Variants in CNTNAP5 observed in about 807,000 individuals in gnomAD.
CNTNAP5 encodes contactin associated protein family member 5.
CNTNAP5 carries 72 observed loss-of-function variants against 150.2 expected under a neutral mutation model. The observed-to-expected ratio is 0.48, with a 90% confidence interval of 0.40 to 0.58. CNTNAP5 has a LOEUF of 0.58. Among genes scored for constraint, CNTNAP5 ranks in the 20% least tolerant of loss-of-function variants. CNTNAP5 has a pLI of 0.00. For synonymous variants in CNTNAP5, 672 were observed against 619.8 expected (o/e 1.08, Z -1.25); for missense variants, 1,636 against 1,626.2 (o/e 1.01, Z -0.10).
intron 13 of CNTNAP5, among the ~76,000 whole-genome samples, chr2:124,713,280 T>TC (rs1679858577): frequency 7.8e-6 from 1 of 128,876 alleles, no homozygotes; most frequent in Non-Finnish European, 1.7e-5. Flanking sequence ...TTTCTTTCTT[T>TC]CTTTCTTTCT....
chr2:124,908,793 C>T (rs1313541453), intron 22 of CNTNAP5, among the ~76,000 whole-genome samples: 1 of 151,894 alleles, frequency 6.6e-6, no homozygotes, highest in Non-Finnish European at 1.5e-5. Context: ...TCCACATAAG[C>T]CTGATCTACT....
At chr2:124,901,213 C>T (rs1678407564) in intron 21 of CNTNAP5, among the ~76,000 whole-genome samples, 1 of 151,494 alleles carries the variant, frequency 6.6e-6, no homozygotes, top group African/African-American at 2.4e-5. Flanking sequence ...AAGTTGTAGA[C>T]AGAATTATAG....
At chr2:124,322,404 T>G (rs1573915442) in intron 3 of CNTNAP5, among the ~76,000 whole-genome samples, 1 of 152,070 alleles carries the variant, frequency 6.6e-6, no homozygotes, top group Admixed American at 6.5e-5. Context: ...TGTTAGTTTG[T>G]TACATGTTTG....
intron 3 of CNTNAP5, among the ~76,000 whole-genome samples, chr2:124,255,194 C>T (rs1465884337): frequency 2.0e-5 from 3 of 152,020 alleles, no homozygotes; most frequent in African/African-American, 7.2e-5. Flanking sequence ...TTACAATCAA[C>T]CTGTGCAACA....
chr2:124,372,037 A>T (rs949707373), intron 3 of CNTNAP5, among the ~76,000 whole-genome samples: 2 of 151,992 alleles, frequency 1.3e-5, no homozygotes, highest in African/African-American at 4.8e-5. Context: ...AGGAGGAATC[A>T]CCCTAAACCT....
At chr2:124,407,550 C>T in intron 3 of CNTNAP5, among the ~76,000 whole-genome samples, 1 of 152,112 alleles carries the variant, frequency 6.6e-6, no homozygotes, top group East Asian at 1.9e-4. Context: ...CAATGAGGTT[C>T]AGGTACTTCA....
chr2:124,709,548 G>T (rs1205988618), intron 13 of CNTNAP5, among the ~76,000 whole-genome samples: 1 of 152,132 alleles, frequency 6.6e-6, no homozygotes, highest in Non-Finnish European at 1.5e-5. Flanking sequence ...TTCAAAGAAT[G>T]CTTGAGGAAC....
chr2:124,759,623 G>T (rs545578891), intron 14 of CNTNAP5, among the ~76,000 whole-genome samples: 1 of 151,620 alleles, frequency 6.6e-6, no homozygotes, highest in African/African-American at 2.4e-5. Context: ...ACCTGCTTTT[G>T]TTTTCTTGTA....
intron 1 of CNTNAP5, among the ~76,000 whole-genome samples, chr2:124,118,428 A>G (rs1573766624): frequency 6.6e-6 from 1 of 152,308 alleles, no homozygotes; most frequent in Admixed American, 6.5e-5. Flanking sequence ...CACTGGGCAG[A>G]TTGAAGGGAT....
intron 11 of CNTNAP5, among the ~76,000 whole-genome samples, chr2:124,568,957 A>G (rs1696092164): frequency 6.6e-6 from 1 of 152,244 alleles, no homozygotes. Flanking sequence ...CTGAGGCAGA[A>G]GAATGGCATG....
intron 19 of CNTNAP5, among the ~76,000 whole-genome samples, chr2:124,835,558 C>A: frequency 6.6e-6 from 1 of 152,020 alleles, no homozygotes; most frequent in East Asian, 1.9e-4. Flanking sequence ...GAGAGTTTGA[C>A]GTGGTATTAA....
At chr2:124,430,462 T>G (rs1692350965) in intron 4 of CNTNAP5, among the ~76,000 whole-genome samples, 1 of 152,158 alleles carries the variant, frequency 6.6e-6, no homozygotes, top group Non-Finnish European at 1.5e-5. Flanking sequence ...CACACATACA[T>G]GCATATGCAC....
intron 14 of CNTNAP5, among the ~76,000 whole-genome samples, chr2:124,749,207 T>C (rs186099477): frequency 6.6e-6 from 1 of 152,262 alleles, no homozygotes; most frequent in Admixed American, 6.5e-5. Context: ...ATTCACTCAT[T>C]CCTTTGATTT....
chr2:124,430,911 G>A (rs780854066), intron 4 of CNTNAP5, among the ~76,000 whole-genome samples: 2 of 152,044 alleles, frequency 1.3e-5, no homozygotes, highest in Non-Finnish European at 2.9e-5. Context: ...GGAAATGTGG[G>A]GATAAAATGT....
chr2:124,104,404 A>T (rs996442887), intron 1 of CNTNAP5, among the ~76,000 whole-genome samples: 2 of 152,276 alleles, frequency 1.3e-5, no homozygotes, highest in South Asian at 4.1e-4. Flanking sequence ...GAACATGTAG[A>T]CACACATCTA....
intron 12 of CNTNAP5, among the ~76,000 whole-genome samples, chr2:124,641,315 T>A (rs1678089423): frequency 6.6e-6 from 1 of 151,780 alleles, no homozygotes; most frequent in African/African-American, 2.4e-5. Flanking sequence ...TGTCCAGGAA[T>A]CCAGTGGGTG....
chr2:124,732,283 C>T (rs6713505), intron 13 of CNTNAP5, among the ~76,000 whole-genome samples: 39,149 of 151,918 alleles, frequency 0.26, 5,624 homozygotes, highest in Non-Finnish European at 0.34. Flanking sequence ...TTTCAGCAAC[C>T]AGGTTCTCTT....
chr2:124,103,262 G>A (rs1205297536), intron 1 of CNTNAP5, among the ~76,000 whole-genome samples: 1 of 152,100 alleles, frequency 6.6e-6, no homozygotes, highest in African/African-American at 2.4e-5. Context: ...GAATCAAAAA[G>A]TGAAATAAAA....
chr2:124,748,118 A>G (rs924277413), intron 14 of CNTNAP5, among the ~76,000 whole-genome samples: 7 of 152,056 alleles, frequency 4.6e-5, no homozygotes, highest in Non-Finnish European at 2.9e-5. Flanking sequence ...TTGATGTTTC[A>G]GTCACCAGCC....
Sources: allele counts gnomAD v4.1 joint callset (sites outside exome capture counted in the v4.1 genomes callset), GRCh38; gene constraint gnomAD v4.1.1; transcripts MANE v1.5; gene names NCBI Gene and HGNC (gene_info 2026-07-23, HGNC 2026-07-21).